Variants in ARRB2 observed in about 807,000 individuals in gnomAD.
The protein encoded by ARRB2 is arrestin beta 2.
In ARRB2, 21 loss-of-function variants were observed where a neutral mutation model predicts 53.4. The ratio of observed to expected loss-of-function variants is 0.39; its 90% CI spans 0.28 to 0.57. The LOEUF (loss-of-function observed/expected upper bound fraction) is 0.57, where lower values mean the gene tolerates loss of function less well. ARRB2 is among the 20% of genes least tolerant of loss of function. ARRB2 has a pLI of 0.55. For missense variants in ARRB2, 369 were observed against 527.5 expected, an observed-to-expected ratio of 0.70 and a Z score of 2.94; for synonymous variants, 180 against 212.9, an observed-to-expected ratio of 0.85 and a Z score of 1.34.
chr17:4,721,241 T>A lies in ARRB2; in HGVS notation c.*202T>A. The stretch of plus-strand genomic sequence containing the variant: ...TCTCTTGCTGAATGTGGGCATTAAT[T>A]TTTTGACTGCAGCTCTGCTTCTCCA... On this transcript the variant is annotated 3_prime_UTR_variant, in exon 15 of 15. Coordinates refer to ENST00000269260, the MANE Select transcript of ARRB2 (RefSeq NM_004313.4). This position sits in a 1 kb window ranked among gnomAD's most constrained non-coding sequence, Gnocchi z 4.2. 5.5e-6 allele frequency: 3 copies of A among 547,670 alleles called. No individual in the cohort carries two copies. Among genetic ancestry groups the A allele is most frequent in the Non-Finnish European group, 9.5e-6 (3 of 316,502 alleles). 33.9% of individuals were successfully genotyped at this position (547,670 alleles called of 1,614,324 possible). A position where few individuals can be genotyped will look rare whatever the true frequency, so the allele number is the denominator to read the frequency against.
At position 4,718,689 on chromosome 17, in the gene ARRB2, G is replaced by A. The variant is rs1915341796; in HGVS notation, c.779+5G>A. ...TGTGGCTCAACTCGAACAAGAGTGA[G>A]TATCGGGAGAGACCCATGTTCCAAT... On this transcript the variant is annotated splice_donor_5th_base_variant and intron_variant, in intron 10 of 14. Transcript: ENST00000269260. 6.2e-7 allele frequency: 1 copy of A among 1,611,922 alleles called. No individual in the cohort carries two copies. Among genetic ancestry groups the A allele is most frequent in the Non-Finnish European group, 8.5e-7 (1 of 1,178,892 alleles).
At position 4,721,033 on chromosome 17, in the gene ARRB2, C is replaced by A. The variant is rs1438241642; in HGVS notation, c.1224C>A (p.Leu408=). The part of the protein sequence containing the change: ...GMKDDDYDDQ[L]C ...AGGATGACGACTATGATGATCAACT[C>A]TGCTAGGAAGCGGGGTGGGAAGAAG... Residue 408 remains leucine, a synonymous_variant, in exon 15 of 15, where the codon CTC becomes CTA. Coordinates refer to ENST00000269260, the MANE Select transcript of ARRB2 (RefSeq NM_004313.4). This position sits in a 1 kb window ranked among gnomAD's most constrained non-coding sequence, Gnocchi z 4.2. 6.2e-7 allele frequency: 1 copy of A among 1,613,704 alleles called. No individual in the cohort carries two copies. Among genetic ancestry groups the A allele is most frequent in the Admixed American group, 1.7e-5 (1 of 60,006 alleles).
At chr17:4,720,532 G>A in intron 13 of ARRB2, 54 bp from the exon 14 acceptor site, 2 of 1,582,170 alleles carry the variant, frequency 1.3e-6, no homozygotes, top group South Asian at 1.2e-5. Flanking sequence ...GCCAGTGGAG[G>A]AAAACTGGCC....
chr17:4,718,163 G>T, intron 8 of ARRB2, 98 bp from the exon 9 acceptor site: 1 of 1,545,030 alleles, frequency 6.5e-7, no homozygotes, highest in South Asian at 1.2e-5. Flanking sequence ...TGGGTTTGAG[G>T]GGAGGGGGCC....
intron 8 of ARRB2, 47 bp from the exon 9 acceptor site, chr17:4,718,213 GA>G (rs1390186951): frequency 6.4e-7 from 1 of 1,573,764 alleles, no homozygotes; most frequent in Non-Finnish European, 8.7e-7. Flanking sequence ...CTGATGATGG[GA>G]ACAGTGAAAA....
At chr17:4,719,021 G>A (rs1915396374) in intron 10 of ARRB2, among the ~76,000 whole-genome samples, 2 of 152,100 alleles carry the variant, frequency 1.3e-5, no homozygotes, top group Non-Finnish European at 2.9e-5. Flanking sequence ...TGACCCACCC[G>A]TCGCGGCCTC....
In ARRB2 at chr17:4,717,334, G is replaced by A. The variant is rs949433829; in HGVS notation, c.417+58G>A. 1.9e-6 allele frequency: 3 copies of A among 1,587,910 alleles called. No individual in the cohort carries two copies. Among genetic ancestry groups the A allele is most frequent in the African/African-American group, 2.7e-5 (2 of 74,366 alleles). On this transcript the variant is annotated intron_variant, in intron 6 of 14. Transcript: ENST00000269260. This position sits in a 1 kb window ranked among gnomAD's most constrained non-coding sequence, Gnocchi z 6.0. ...GCAGGACATGGGCCAGCAGGAGCCTGGAGGCACAGCTGAGCCAGAGGGTGA... is the reference window on the plus strand; with the variant it reads ...GCAGGACATGGGCCAGCAGGAGCCTAGAGGCACAGCTGAGCCAGAGGGTGA...
At chr17:4,715,798 C>T in intron 2 of ARRB2, 175 bp from the exon 3 acceptor site, 1 of 678,010 alleles carries the variant, frequency 1.5e-6, no homozygotes, top group South Asian at 1.8e-5. Context: ...TAAAGGTCCA[C>T]TAGTCTGAGA....
chr17:4,718,744 G>T, intron 10 of ARRB2, 60 bp downstream of exon 10: 2 of 1,438,442 alleles, frequency 1.4e-6, no homozygotes, highest in Non-Finnish European at 1.9e-6. Context: ...TCAGGAGAAT[G>T]TGAGGTGGAG....
At chr17:4,713,333 A>G (rs1417237620) in intron 1 of ARRB2, among the ~76,000 whole-genome samples, 1 of 144,588 alleles carries the variant, frequency 6.9e-6, no homozygotes, top group East Asian at 2.1e-4. Context: ...CATCTATACT[A>G]AAAATATAAA....
Position 4,719,269 on chromosome 17 carries a change from G to A in ARRB2, c.780-14G>A, listed in dbSNP as rs373888074. 6 of 1,606,532 alleles carry A rather than the reference G, an allele frequency of 3.7e-6. No homozygotes were observed. Among genetic ancestry groups the A allele is most frequent in the Non-Finnish European group, 5.1e-6 (6 of 1,174,980 alleles). Reference sequence around the variant, plus strand: ...GCGCCCCTAAGCATCTTGTTCTCTTGTCCCCACCCCCAGTGACCAGGTATC... The same window carrying A: ...GCGCCCCTAAGCATCTTGTTCTCTTATCCCCACCCCCAGTGACCAGGTATC... On this transcript the variant is annotated splice_polypyrimidine_tract_variant and intron_variant, in intron 10 of 14. Transcript: ENST00000269260.
At chr17:4,716,241 T>C in intron 4 of ARRB2, 50 bp downstream of exon 4, 3 of 1,611,334 alleles carry the variant, frequency 1.9e-6, no homozygotes, top group Non-Finnish European at 2.5e-6. Context: ...GCTAGGGAAG[T>C]GAAATGGGCT....
chr17:4,721,449 GTTTC>G lies in ARRB2; in HGVS notation c.*414_*417del, dbSNP rs1567689064. 1 of 396,224 alleles carries G rather than the reference GTTTC, an allele frequency of 2.5e-6. No individual in the cohort carries two copies. The highest frequency in any genetic ancestry group is 2.1e-5 in the African/African-American group (1 of 48,496). 24.5% of individuals were successfully genotyped at this position (396,224 alleles called of 1,614,324 possible). On this transcript the variant is annotated 3_prime_UTR_variant, in exon 15 of 15. Transcript: ENST00000269260. This position sits in a 1 kb window ranked among gnomAD's most constrained non-coding sequence, Gnocchi z 4.2. Reference sequence around the variant, plus strand: ...GAGGAGACCCTTTGGGGACAAGGCCGTTTCTTTGTTTCTGAGCATAAAGAAGAAA... The same window carrying G: ...GAGGAGACCCTTTGGGGACAAGGCCGTTTGTTTCTGAGCATAAAGAAGAAA...
At chr17:4,715,340 C>A in intron 2 of ARRB2, 1 of 440,686 alleles carries the variant, frequency 2.3e-6, no homozygotes, top group Middle Eastern at 6.1e-4. Context: ...ACCCAAGGTG[C>A]GTGGGGCTGG....
In ARRB2 at chr17:4,717,241, G is replaced by A. The variant is rs756472191; in HGVS notation, c.382G>A (p.Val128Ile). The A allele has an allele frequency of 1.5e-5, 24 of 1,613,994 alleles. No individual in the cohort carries two copies. The highest frequency in any genetic ancestry group is 5.5e-5 in the South Asian group (5 of 91,090). ...GATACCCCAGAATCTTCCATGCTCC[G>A]TCACACTGCAGCCAGGCCCAGAGGA... ...FTIPQNLPCS[V>I]TLQPGPEDTG... The change falls in exon 6 of 15, where the codon GTC becomes ATC. Residue 128 changes from valine to isoleucine, a missense_variant. Physicochemically the swap from Val to Ile is conservative, Grantham distance 29. Coordinates refer to ENST00000269260, the MANE Select transcript of ARRB2 (RefSeq NM_004313.4). This position sits in a 1 kb window ranked among gnomAD's most constrained non-coding sequence, Gnocchi z 6.0.
chr17:4,718,718 G>C (rs1915347425), intron 10 of ARRB2, 34 bp downstream of exon 10: 3 of 1,593,106 alleles, frequency 1.9e-6, no homozygotes, highest in Non-Finnish European at 2.6e-6. Flanking sequence ...TTCCAATCTA[G>C]GGGAGAAGAG....
At chr17:4,710,795 G>C in intron 1 of ARRB2, 51 bp downstream of exon 1, 1 of 398,444 alleles carries the variant, frequency 2.5e-6, no homozygotes. Flanking sequence ...CTCGGGGCGG[G>C]GGCTGGGACG....
chr17:4,715,515 A>ACACG, intron 2 of ARRB2: 1 of 253,676 alleles, frequency 3.9e-6, no homozygotes, highest in Admixed American at 5.1e-5. Flanking sequence ...ACATACACAC[A>ACACG]CACCTGGCTG....
At chr17:4,714,158 T>G (rs1272420930) in intron 1 of ARRB2, among the ~76,000 whole-genome samples, 1 of 152,060 alleles carries the variant, frequency 6.6e-6, no homozygotes, top group Non-Finnish European at 1.5e-5. Flanking sequence ...CCTTGTGTGC[T>G]ACCACACCAC....
Sources: allele counts gnomAD v4.1 joint callset (sites outside exome capture counted in the v4.1 genomes callset), GRCh38; gene constraint gnomAD v4.1.1; non-coding constraint Gnocchi (gnomAD v3.1); transcripts MANE v1.5; gene names NCBI Gene and HGNC (gene_info 2026-07-23, HGNC 2026-07-21).